Variants in KPNA5 observed in about 807,000 individuals in gnomAD.
The protein encoded by KPNA5 is karyopherin subunit alpha 5, also known as importin subunit alpha-6.
A neutral mutation model predicts 71.3 loss-of-function variants in KPNA5; 46 were observed. The ratio of observed to expected loss-of-function variants is 0.65; its 90% CI spans 0.51 to 0.83. The LOEUF (loss-of-function observed/expected upper bound fraction) is 0.83, where lower values mean the gene tolerates loss of function less well. KPNA5 is among the 40% of genes least tolerant of loss of function. The probability of loss-of-function intolerance (pLI) is 0.00; values close to 1 mark genes in which losing one functional copy is unlikely to be tolerated. For synonymous variants in KPNA5, 207 were observed against 201.4 expected (o/e 1.03, Z -0.24); for missense variants, 547 against 628.3 (o/e 0.87, Z 1.38).
At chr6:116,708,300 T>G (rs757673925) in intron 7 of KPNA5, among the ~76,000 whole-genome samples, 2 of 152,228 alleles carry the variant, frequency 1.3e-5, no homozygotes, top group Non-Finnish European at 2.9e-5. Flanking sequence ...ATGGTAATTC[T>G]ATCTTTAATT....
chr6:116,730,107 GAC>G (rs1380846019), intron 13 of KPNA5, among the ~76,000 whole-genome samples: 20 of 114,452 alleles, frequency 1.7e-4, no homozygotes, highest in Non-Finnish European at 2.4e-4. Context: ...TTTTTTTTGA[GAC>G]ACAGTTTTAC....
chr6:116,688,381 A>C (rs890289290), intron 1 of KPNA5, among the ~76,000 whole-genome samples: 2 of 152,100 alleles, frequency 1.3e-5, no homozygotes, highest in Admixed American at 6.6e-5. Flanking sequence ...ATGTCCTCTG[A>C]ATTTAACAGA....
intron 1 of KPNA5, among the ~76,000 whole-genome samples, chr6:116,684,340 A>G (rs1777487086): frequency 6.6e-6 from 1 of 152,208 alleles, no homozygotes; most frequent in Admixed American, 6.5e-5. Flanking sequence ...TCAAGTCCTC[A>G]GCCCCTTCCC....
intron 5 of KPNA5, 68 bp downstream of exon 5, chr6:116,698,866 A>C (rs1312577272): frequency 2.4e-6 from 2 of 836,244 alleles, no homozygotes; most frequent in Admixed American, 3.0e-5. Flanking sequence ...AGTGAAAGCA[A>C]CTTCTGCAGT....
chr6:116,725,617 A>T, intron 10 of KPNA5, 134 bp from the exon 11 acceptor site: 1 of 787,160 alleles, frequency 1.3e-6, no homozygotes, highest in Non-Finnish European at 1.9e-6. Flanking sequence ...AGCAAGTTTT[A>T]CTTTGGGAGG....
intron 9 of KPNA5, among the ~76,000 whole-genome samples, chr6:116,723,245 T>A (rs912781164): frequency 1.3e-5 from 2 of 152,204 alleles, no homozygotes. Context: ...TATTTTAGAT[T>A]AGAACTAGAA....
At chr6:116,693,668 T>C (rs188033039) in intron 4 of KPNA5, among the ~76,000 whole-genome samples, 1,942 of 152,302 alleles carry the variant, frequency 0.013, 35 homozygotes, top group African/African-American at 0.036. Flanking sequence ...TGCAAAAATT[T>C]TCTCCCATTT....
intron 7 of KPNA5, among the ~76,000 whole-genome samples, chr6:116,712,687 A>T (rs1039828523): frequency 6.6e-6 from 1 of 151,628 alleles, no homozygotes; most frequent in Non-Finnish European, 1.5e-5. Context: ...CTGGTCTTAA[A>T]CTCCTGGCCT....
Position 116,732,206 on chromosome 6 carries a change from T to C in KPNA5, c.1503T>C (p.Ile501=). Residue 501 remains isoleucine, a synonymous_variant, in exon 14 of 14, where the codon ATT becomes ATC. Transcript: ENST00000368564. The stretch of plus-strand genomic sequence containing the variant: ...TTTACCAGAAGGCATTTGATCTGAT[T>C]GAACATTACTTTGGTGTAGAAGAAG... The part of the protein sequence containing the change: ...QEIYQKAFDL[I]EHYFGVEEDD... The C allele has an allele frequency of 6.3e-7, 1 of 1,584,484 alleles. No homozygotes were observed. Among genetic ancestry groups the C allele is most frequent in the African/African-American group, 1.4e-5 (1 of 72,946 alleles).
intron 4 of KPNA5, among the ~76,000 whole-genome samples, chr6:116,693,124 C>T (rs916733474): frequency 1.5e-4 from 23 of 152,260 alleles, no homozygotes; most frequent in African/African-American, 5.5e-4. Flanking sequence ...TTTTCTTAAT[C>T]CAGTCTATCA....
chr6:116,725,898 G>A, intron 11 of KPNA5, 22 bp downstream of exon 11: 1 of 1,604,802 alleles, frequency 6.2e-7, no homozygotes, highest in Non-Finnish European at 8.5e-7. Context: ...TCAGATCTGA[G>A]AGTAGAACAG....
chr6:116,700,839 CTT>C (rs1562436578), intron 5 of KPNA5, among the ~76,000 whole-genome samples: 1 of 152,080 alleles, frequency 6.6e-6, no homozygotes, highest in African/African-American at 2.4e-5. Flanking sequence ...TCTCTATTTT[CTT>C]TTTTCAACTG....
At chr6:116,726,004 G>T in intron 11 of KPNA5, 128 bp downstream of exon 11, 1 of 988,386 alleles carries the variant, frequency 1.0e-6, no homozygotes, top group Non-Finnish European at 1.4e-6. Context: ...AAAGAACATG[G>T]GCTTTCCTCC....
chr6:116,698,875 G>C (rs375786790), intron 5 of KPNA5, 77 bp downstream of exon 5: 2 of 747,998 alleles, frequency 2.7e-6, no homozygotes, highest in Non-Finnish European at 4.3e-6. Context: ...AACTTCTGCA[G>C]TATTGACTAT....
At position 116,681,297 on chromosome 6, in the gene KPNA5, G is replaced by A. The variant is rs755586707; in HGVS notation, c.-38G>A. On this transcript the variant is annotated 5_prime_UTR_variant, in exon 1 of 14. Coordinates refer to ENST00000368564, the MANE Select transcript of KPNA5 (RefSeq NM_001366306.2). ...TTACCCGCCACACACGTCGCCGCTGGGGACTGGGAAATCAGGGCATCGGAG... is the reference window on the plus strand; with the variant it reads ...TTACCCGCCACACACGTCGCCGCTGAGGACTGGGAAATCAGGGCATCGGAG... 3.1e-6 allele frequency: 5 copies of A among 1,610,506 alleles called. No homozygotes were observed. The highest frequency in any genetic ancestry group is 4.2e-6 in the Non-Finnish European group (5 of 1,178,066).
intron 7 of KPNA5, among the ~76,000 whole-genome samples, chr6:116,715,045 A>C (rs1287187923): frequency 1.3e-5 from 2 of 152,172 alleles, no homozygotes; most frequent in Non-Finnish European, 2.9e-5. Flanking sequence ...TAGTTGCCAT[A>C]AACTTTTGAC....
At chr6:116,692,440 G>A (rs753559944) in intron 4 of KPNA5, 48 bp downstream of exon 4, 1 of 1,153,502 alleles carries the variant, frequency 8.7e-7, no homozygotes, top group Non-Finnish European at 1.3e-6. Flanking sequence ...CGATTTTTTA[G>A]TAGAGGTTTA....
In KPNA5 at chr6:116,736,302, T is replaced by A. The variant is rs1050630177; in HGVS notation, c.*3979T>A. The A allele has an allele frequency of 6.6e-6, 1 of 151,972 alleles. No individual in the cohort carries two copies. Among genetic ancestry groups the A allele is most frequent in the African/African-American group, 2.4e-5 (1 of 41,434 alleles). 9.4% of individuals were successfully genotyped at this position (151,972 alleles called of 1,614,324 possible). On this transcript the variant is annotated 3_prime_UTR_variant, in exon 14 of 14. Transcript: ENST00000368564. ...GAAACCAGATTCCATTTATATGAAG[T>A]GTTCGGAATAGACAAATCTATAGAA...
In KPNA5 at chr6:116,732,120, A is replaced by G. The variant is rs1182256186; in HGVS notation, c.1433-16A>G. ...TATATATATATATATATATATATATATACTTTGTATAACAGGTCTGGATAA... is the reference window on the plus strand; with the variant it reads ...TATATATATATATATATATATATATGTACTTTGTATAACAGGTCTGGATAA... On this transcript the variant is annotated splice_polypyrimidine_tract_variant and intron_variant, in intron 13 of 13. Coordinates refer to ENST00000368564, the MANE Select transcript of KPNA5 (RefSeq NM_001366306.2). The G allele has an allele frequency of 5.9e-6, 3 of 512,472 alleles. No homozygotes were observed. Among genetic ancestry groups the G allele is most frequent in the South Asian group, 4.5e-5 (2 of 44,224 alleles). 31.7% of individuals were successfully genotyped at this position (512,472 alleles called of 1,614,324 possible).
Sources: allele counts gnomAD v4.1 joint callset (sites outside exome capture counted in the v4.1 genomes callset), GRCh38; gene constraint gnomAD v4.1.1; transcripts MANE v1.5; gene names NCBI Gene and HGNC (gene_info 2026-07-23, HGNC 2026-07-21).